The following PRMT9 variants were observed in gnomAD, a reference collection of about 807,000 sequenced individuals.
The protein encoded by PRMT9 is protein arginine methyltransferase 9.
In PRMT9, 59 loss-of-function variants were observed where a neutral mutation model predicts 83.2. The ratio of observed to expected loss-of-function variants is 0.71; its 90% confidence interval spans 0.57 to 0.88. The LOEUF (loss-of-function observed/expected upper bound fraction) is 0.88. Ranked by LOEUF, PRMT9 falls within the 40% of genes least tolerant of loss-of-function variation. PRMT9 has a pLI of 0.00. For missense variants in PRMT9, 947 were observed against 1,021.9 expected (o/e 0.93, Z 1.00); for synonymous variants, 333 against 353.2 (o/e 0.94, Z 0.64).
chr4:147,676,337 T>C (rs1253883127), intron 2 of PRMT9, among the ~76,000 whole-genome samples: 1 of 152,194 alleles, frequency 6.6e-6, no homozygotes, highest in East Asian at 1.9e-4. Context: ...TTGAATCCTA[T>C]AGAGTAACTC....
At chr4:147,657,705 T>C (rs1221528590) in intron 8 of PRMT9, 87 bp downstream of exon 8, 2 of 988,772 alleles carry the variant, frequency 2.0e-6, no homozygotes, top group South Asian at 1.4e-5. Context: ...GAAACCTTCA[T>C]ATCCAAAGTA....
chr4:147,681,334 A>G (rs1453171284), intron 1 of PRMT9, among the ~76,000 whole-genome samples: 1 of 152,170 alleles, frequency 6.6e-6, no homozygotes, highest in Non-Finnish European at 1.5e-5. Context: ...TCTAATTCCA[A>G]CTGCATCTCC....
chr4:147,668,724 T>A lies in PRMT9; in HGVS notation c.847-79A>T, dbSNP rs1735525996. 18 of 869,098 alleles carry A rather than the reference T, an allele frequency of 2.1e-5. No individual in the cohort carries two copies. The Middle Eastern group carries it at 2.6e-3, about 127-fold the overall frequency. 53.8% of individuals were successfully genotyped at this position (869,098 alleles called of 1,614,324 possible). A position where few individuals can be genotyped will look rare whatever the true frequency, so the allele number is the denominator to read the frequency against. ...TGCATAATGATAAGCTATGAAAATATAATTTAAAAAACCTAAAAAGACAAT... is the reference window on the plus strand; with the variant it reads ...TGCATAATGATAAGCTATGAAAATAAAATTTAAAAAACCTAAAAAGACAAT... On this transcript the variant is annotated intron_variant, in intron 5 of 11. Transcript: ENST00000322396.
At chr4:147,677,681 T>C (rs1736182572) in intron 2 of PRMT9, among the ~76,000 whole-genome samples, 1 of 152,056 alleles carries the variant, frequency 6.6e-6, no homozygotes, top group Non-Finnish European at 1.5e-5. Context: ...GGTCTCGAAC[T>C]CCTGACCTCA....
intron 8 of PRMT9, among the ~76,000 whole-genome samples, chr4:147,654,770 A>T (rs1285918041): frequency 6.6e-6 from 1 of 152,230 alleles, no homozygotes; most frequent in Non-Finnish European, 1.5e-5. Flanking sequence ...TCAATTAACC[A>T]GTAGCATAAT....
Position 147,658,943 on chromosome 4 carries a change from G to C in PRMT9, c.1147-968C>G, listed in dbSNP as rs1015517129. ...ACCTGTAATCCCAGCACTTTGGGAG[G>C]CCAAGGCGGACGGATCACGAGGCCA... On this transcript the variant is annotated intron_variant, in intron 7 of 11. Transcript: ENST00000322396. 2.0e-5 allele frequency among the ~76,000 whole-genome samples: 3 copies of C among 152,128 alleles called. No individual in the cohort carries two copies. In the East Asian group the frequency reaches 5.8e-4, roughly 29 times the overall value.
intron 10 of PRMT9, among the ~76,000 whole-genome samples, chr4:147,641,310 C>G (rs1308044940): frequency 6.6e-6 from 1 of 152,180 alleles, no homozygotes; most frequent in East Asian, 1.9e-4. Flanking sequence ...ACTCTGACTG[C>G]ATCTCTCATC....
chr4:147,684,063 C>G lies in PRMT9; in HGVS notation c.-76G>C. On this transcript the variant is annotated 5_prime_UTR_variant, in exon 1 of 12. Coordinates refer to ENST00000322396, the MANE Select transcript of PRMT9 (RefSeq NM_138364.4). ...AGAAAACTCTCTCGATGCTACACTTCCAGGGACCAGACAACTGCTCAAAAA... is the reference window on the plus strand; with the variant it reads ...AGAAAACTCTCTCGATGCTACACTTGCAGGGACCAGACAACTGCTCAAAAA... 2 of 1,457,098 alleles carry G rather than the reference C, an allele frequency of 1.4e-6. No homozygotes were observed. Among genetic ancestry groups the G allele is most frequent in the African/African-American group, 1.4e-5 (1 of 71,646 alleles). The allele number at this position is 1,457,098 out of a possible 1,614,324, so 90.3% of individuals were successfully genotyped here.
chr4:147,657,530 A>G (rs1021757434), intron 8 of PRMT9, among the ~76,000 whole-genome samples: 1 of 152,106 alleles, frequency 6.6e-6, no homozygotes, highest in African/African-American at 2.4e-5. Flanking sequence ...TCGTTAAAAA[A>G]AAAAAAAGAA....
chr4:147,641,608 G>T (rs188967660), intron 10 of PRMT9, among the ~76,000 whole-genome samples: 1 of 152,038 alleles, frequency 6.6e-6, no homozygotes, highest in Non-Finnish European at 1.5e-5. Context: ...CTAAATCCAC[G>T]AGAGAGTAAA....
In PRMT9 at chr4:147,684,159, G is replaced by A. The variant is rs1266859593; in HGVS notation, c.-172C>T. The A allele has an allele frequency of 2.6e-5, 20 of 774,408 alleles. No individual in the cohort carries two copies. The African/African-American group carries it at 2.9e-4, about 11-fold the overall frequency. 48.0% of individuals were successfully genotyped at this position (774,408 alleles called of 1,614,324 possible). A position where few individuals can be genotyped will look rare whatever the true frequency, so the allele number is the denominator to read the frequency against. On this transcript the variant is annotated 5_prime_UTR_variant, in exon 1 of 12. It adds an upstream start codon to the 5' untranslated region. Coordinates refer to ENST00000322396, the MANE Select transcript of PRMT9 (RefSeq NM_138364.4). Reference sequence around the variant, plus strand: ...CCAGCCCAGGCGGAAGCTCCGCCCCGTCCTGGCCCCGCGGGCGGCGCAGAC... The same window carrying A: ...CCAGCCCAGGCGGAAGCTCCGCCCCATCCTGGCCCCGCGGGCGGCGCAGAC...
intron 1 of PRMT9, among the ~76,000 whole-genome samples, chr4:147,683,284 C>G (rs1270425577): frequency 6.6e-6 from 1 of 152,076 alleles, no homozygotes; most frequent in African/African-American, 2.4e-5. Flanking sequence ...AATTCGAGGG[C>G]CTTTAAAATT....
At position 147,683,792 on chromosome 4, in the gene PRMT9, C is replaced by A. The variant is rs1308190768; in HGVS notation, c.189+7G>T. ...TCTGCCAGCAAGTGAGAAAAAAGGA[C>A]CCTCACCTTCACGTCGTGTTTCAGC... On this transcript the variant is annotated splice_region_variant and intron_variant, in intron 1 of 11. Transcript: ENST00000322396. The A allele has an allele frequency of 6.3e-7, 1 of 1,586,544 alleles. No homozygotes were observed. The highest frequency in any genetic ancestry group is 1.1e-5 in the South Asian group (1 of 90,650).
At chr4:147,675,521 A>G (rs1438413117) in intron 2 of PRMT9, among the ~76,000 whole-genome samples, 3 of 152,202 alleles carry the variant, frequency 2.0e-5, no homozygotes, top group Non-Finnish European at 2.9e-5. Context: ...TACCATGTAC[A>G]TTGTATGTAA....
At position 147,668,545 on chromosome 4, in the gene PRMT9, T is replaced by C. The variant is rs1006870781; in HGVS notation, c.947A>G (p.His316Arg). The C allele has an allele frequency of 2.6e-6, 4 of 1,566,566 alleles. No individual in the cohort carries two copies. The African/African-American group carries it at 4.1e-5, about 16-fold the overall frequency. Residue 316 changes from histidine (H) to arginine (R), a missense_variant, in exon 6 of 12, where the codon CAT becomes CGT. Transcript: ENST00000322396. ...AATGGACTAATACACTTACCTATGA[T>C]GTCTTCTTATCTCTGCACATTCTAC... Reference protein sequence around the residue: ...MAVECAEIRRHHRVGIKDIAG... With the variant: ...MAVECAEIRRRHRVGIKDIAG...
At chr4:147,672,192 A>G in intron 4 of PRMT9, 1 of 243,736 alleles carries the variant, frequency 4.1e-6, no homozygotes, top group Non-Finnish European at 8.1e-6. Context: ...GAGACGATTG[A>G]AAAGTGTTAG....
chr4:147,646,806 C>T (rs1042668278), intron 9 of PRMT9, among the ~76,000 whole-genome samples: 26 of 152,008 alleles, frequency 1.7e-4, no homozygotes, highest in Non-Finnish European at 3.1e-4. Flanking sequence ...ACATGAATGC[C>T]CCCAGTTCTG....
chr4:147,655,445 G>A (rs775908342), intron 8 of PRMT9, among the ~76,000 whole-genome samples: 1 of 152,140 alleles, frequency 6.6e-6, no homozygotes, highest in Non-Finnish European at 1.5e-5. Context: ...TTACAGGCGT[G>A]AGCCACTGTG....
chr4:147,673,942 T>C lies in PRMT9; in HGVS notation c.339-68A>G, dbSNP rs1019102875. On this transcript the variant is annotated intron_variant, in intron 2 of 11. Coordinates refer to ENST00000322396, the MANE Select transcript of PRMT9 (RefSeq NM_138364.4). ...TGCTACCAACTGCAGTACCTTTGTT[T>C]ATGCCACTCACTTGGCCTGGGAATT... The C allele has an allele frequency of 6.3e-6, 8 of 1,263,158 alleles. No individual in the cohort carries two copies. In the African/African-American group the frequency reaches 1.2e-4, roughly 19 times the overall value. 78.2% of individuals were successfully genotyped at this position (1,263,158 alleles called of 1,614,324 possible).
Sources: allele counts gnomAD v4.1 joint callset (sites outside exome capture counted in the v4.1 genomes callset), GRCh38; gene constraint gnomAD v4.1.1; transcripts MANE v1.5; gene names NCBI Gene and HGNC (gene_info 2026-07-23, HGNC 2026-07-21).